Variants in CDH6 observed in about 807,000 individuals in gnomAD.
The protein encoded by CDH6 is cadherin-6.
In CDH6, 31 loss-of-function variants were observed where a neutral mutation model predicts 78.0. The observed-to-expected ratio is 0.40, with a 90% CI of 0.30 to 0.54. CDH6 has a LOEUF of 0.54. CDH6 is among the 20% of genes least tolerant of loss of function. The pLI is 0.56. For missense variants in CDH6, 724 were observed against 975.9 expected, an observed-to-expected ratio of 0.74 and a Z score of 3.44; for synonymous variants, 376 against 368.8, an observed-to-expected ratio of 1.02 and a Z score of -0.23.
intron 1 of CDH6, among the ~76,000 whole-genome samples, chr5:31,241,035 G>A (rs2149919177): frequency 6.6e-6 from 1 of 152,306 alleles, no homozygotes; most frequent in South Asian, 2.1e-4. Context: ...GCAGCCCCAA[G>A]GAAACTGGAT....
intron 11 of CDH6, chr5:31,318,705 A>G (rs927481918): frequency 5.2e-5 from 12 of 228,638 alleles, no homozygotes; most frequent in African/African-American, 2.7e-4. Context: ...CAGCCCTTCC[A>G]AAAATGAAAG....
At chr5:31,235,044 G>T (rs1346903379) in intron 1 of CDH6, among the ~76,000 whole-genome samples, 1 of 152,040 alleles carries the variant, frequency 6.6e-6, no homozygotes, top group African/African-American at 2.4e-5. Flanking sequence ...TCAATTAATA[G>T]ATGGTTCAAC....
At chr5:31,248,374 A>G (rs1561041396) in intron 1 of CDH6, among the ~76,000 whole-genome samples, 1 of 152,190 alleles carries the variant, frequency 6.6e-6, no homozygotes, top group Non-Finnish European at 1.5e-5. Context: ...ATAATCATAC[A>G]TATTTTATTT....
chr5:31,299,749 G>A, intron 5 of CDH6, 118 bp downstream of exon 5: 1 of 805,686 alleles, frequency 1.2e-6, no homozygotes, highest in Non-Finnish European at 2.0e-6. Flanking sequence ...AAGAAGAACT[G>A]GTACTTTTAT....
intron 2 of CDH6, among the ~76,000 whole-genome samples, chr5:31,274,820 CAAATAAAT>C (rs529299463): frequency 6.6e-6 from 1 of 152,044 alleles, no homozygotes; most frequent in African/African-American, 2.4e-5. Context: ...GACTCTGTCT[CAAATAAAT>C]AAATAAATAA....
intron 1 of CDH6, among the ~76,000 whole-genome samples, chr5:31,231,401 A>G (rs1741306464): frequency 6.6e-6 from 1 of 152,188 alleles, no homozygotes; most frequent in South Asian, 2.1e-4. Context: ...AAGCAGTTCC[A>G]GCTTATTTTG....
chr5:31,196,017 T>C (rs1740155251), intron 1 of CDH6, among the ~76,000 whole-genome samples: 1 of 152,222 alleles, frequency 6.6e-6, no homozygotes, highest in Admixed American at 6.5e-5. Flanking sequence ...GGACTTTTAG[T>C]CCCTTTACTA....
chr5:31,302,798 G>GAAAGAA (rs1554009977), intron 6 of CDH6, among the ~76,000 whole-genome samples: 60 of 36,602 alleles, frequency 1.6e-3, no homozygotes, highest in South Asian at 2.4e-3. Context: ...GAGAGAGAGA[G>GAAAGAA]AGAAAGAAAG....
Position 31,261,492 on chromosome 5 carries a change from A to G in CDH6, c.-128-5854A>G, listed in dbSNP as rs79683892. 8.7e-3 allele frequency among the ~76,000 whole-genome samples: 1,321 copies of G among 152,302 alleles called. 25 individuals are homozygous for G. The highest frequency in any genetic ancestry group is 0.03 in the African/African-American group (1,253 of 41,574). ...CACATTTACAGAAATGTAAAGTACT[A>G]TGCCACAGTATGTGTATGCAACACC... On this transcript the variant is annotated intron_variant, in intron 1 of 11. Coordinates refer to ENST00000265071, the MANE Select transcript of CDH6 (RefSeq NM_004932.4).
chr5:31,217,113 C>T (rs1740888619), intron 1 of CDH6, among the ~76,000 whole-genome samples: 1 of 152,128 alleles, frequency 6.6e-6, no homozygotes, highest in South Asian at 2.1e-4. Context: ...GGGGTTCGTA[C>T]ATTTCTATGT....
At position 31,326,645 on chromosome 5, in the gene CDH6, T is replaced by C. The variant is rs900849195; in HGVS notation, c.*3337T>C. 1.1e-5 allele frequency: 2 copies of C among 180,208 alleles called. No individual in the cohort carries two copies. Among genetic ancestry groups the C allele is most frequent in the African/African-American group, 4.7e-5 (2 of 42,310 alleles). The allele number at this position is 180,208 out of a possible 1,614,324, so 11.2% of individuals were successfully genotyped here. ...AAAAAACGTGTGGTTTAGTTTTTAT[T>C]TTCAGCTCCCAAAGAGTTGTGCAGA... is the stretch of plus-strand genomic sequence containing the variant. On this transcript the variant is annotated 3_prime_UTR_variant, in exon 12 of 12. Transcript: ENST00000265071.
intron 1 of CDH6, among the ~76,000 whole-genome samples, chr5:31,248,155 A>G (rs1741808497): frequency 6.6e-6 from 1 of 152,198 alleles, no homozygotes. Flanking sequence ...TTTCTTCCTA[A>G]TGATATTAAA....
intron 2 of CDH6, among the ~76,000 whole-genome samples, chr5:31,283,737 G>A (rs1742928877): frequency 6.6e-6 from 1 of 152,072 alleles, no homozygotes; most frequent in Non-Finnish European, 1.5e-5. Context: ...CCAACATGGT[G>A]TAATAGAAAA....
chr5:31,243,023 GT>G (rs1482412901), intron 1 of CDH6, among the ~76,000 whole-genome samples: 1 of 152,152 alleles, frequency 6.6e-6, no homozygotes, highest in Non-Finnish European at 1.5e-5. Flanking sequence ...GATAAGACCT[GT>G]TTTGAATCAA....
At chr5:31,199,277 T>C (rs986314515) in intron 1 of CDH6, among the ~76,000 whole-genome samples, 2 of 151,374 alleles carry the variant, frequency 1.3e-5, no homozygotes, top group Admixed American at 6.6e-5. Flanking sequence ...CATATATATC[T>C]ATACACACAC....
chr5:31,249,417 T>C (rs1053399155), intron 1 of CDH6: 4 of 152,224 alleles, frequency 2.6e-5, no homozygotes, highest in African/African-American at 9.6e-5. Flanking sequence ...AATCAACTGA[T>C]GTGGTGATGA....
chr5:31,320,037 C>T (rs756425608), intron 11 of CDH6, among the ~76,000 whole-genome samples: 42 of 152,200 alleles, frequency 2.8e-4, no homozygotes, highest in African/African-American at 6.3e-4. Context: ...CCCTCTATTC[C>T]GCCAAAAATC....
intron 1 of CDH6, among the ~76,000 whole-genome samples, chr5:31,216,852 T>C (rs1167375068): frequency 6.6e-6 from 1 of 152,162 alleles, no homozygotes; most frequent in Admixed American, 6.6e-5. Context: ...ACTGTAGTAC[T>C]AAAAGCCTGA....
intron 2 of CDH6, among the ~76,000 whole-genome samples, chr5:31,289,405 T>C (rs1743097476): frequency 6.6e-6 from 1 of 152,214 alleles, no homozygotes; most frequent in Non-Finnish European, 1.5e-5. Flanking sequence ...ATGCCTTTGC[T>C]GTTGTGAATG....
Sources: gnomAD v4.1 joint callset for allele counts (sites outside exome capture counted in the v4.1 genomes callset) on GRCh38, gnomAD v4.1.1 for gene constraint, MANE v1.5 for transcripts, NCBI Gene and HGNC (gene_info 2026-07-23, HGNC 2026-07-21) for gene names.